TSPAN9: variants seen among roughly 807,000 people sequenced by gnomAD.
The protein encoded by TSPAN9 is tetraspanin-9.
In TSPAN9, 16 loss-of-function variants were observed where a neutral mutation model predicts 31.0. That is an observed-to-expected ratio of 0.52 (90% CI 0.35 to 0.78). TSPAN9 has a LOEUF of 0.78. TSPAN9 is among the 30% of genes least tolerant of loss of function. The pLI is 0.01. For synonymous variants in TSPAN9, 145 were observed against 121.6 expected, an observed-to-expected ratio of 1.19 and a Z score of -1.27; for missense variants, 272 against 312.5, an observed-to-expected ratio of 0.87 and a Z score of 0.98.
chr12:3,261,526 C>T (rs891897121), intron 3 of TSPAN9, among the ~76,000 whole-genome samples: 3 of 152,138 alleles, frequency 2.0e-5, no homozygotes, highest in African/African-American at 7.2e-5. Context: ...AGATGGAGAA[C>T]TGCGTCTCCA....
intron 3 of TSPAN9, among the ~76,000 whole-genome samples, chr12:3,244,996 A>T (rs890793597): frequency 6.6e-6 from 1 of 152,130 alleles, no homozygotes; most frequent in South Asian, 2.1e-4. Context: ...CTCTGTGGGC[A>T]TCCCGGTCTT....
chr12:3,099,840 CTT>C (rs899603509), intron 2 of TSPAN9, among the ~76,000 whole-genome samples: 33 of 123,632 alleles, frequency 2.7e-4, no homozygotes, highest in East Asian at 7.1e-4. Context: ...TCTGTCCACT[CTT>C]TTTTTTTTTT....
At chr12:3,259,157 G>A (rs767243383) in intron 3 of TSPAN9, among the ~76,000 whole-genome samples, 17 of 152,210 alleles carry the variant, frequency 1.1e-4, no homozygotes, top group Non-Finnish European at 2.1e-4. Context: ...GAGAAGTTAA[G>A]TCACTTTCCT....
At chr12:3,149,247 A>G (rs1478151754) in intron 2 of TSPAN9, among the ~76,000 whole-genome samples, 1 of 152,086 alleles carries the variant, frequency 6.6e-6, no homozygotes, top group African/African-American at 2.4e-5. Context: ...TACTGGTTTG[A>G]TGATGGTCAG....
chr12:3,272,122 C>T (rs749011479), intron 3 of TSPAN9, among the ~76,000 whole-genome samples: 16 of 152,128 alleles, frequency 1.1e-4, no homozygotes, highest in Non-Finnish European at 1.5e-4. Flanking sequence ...ATGAGGGTGT[C>T]AGGGGGGCCA....
intron 3 of TSPAN9, among the ~76,000 whole-genome samples, chr12:3,243,612 C>T (rs528874574): frequency 1.4e-4 from 22 of 152,266 alleles, no homozygotes; most frequent in South Asian, 2.1e-4. Flanking sequence ...TCGTGGGGAC[C>T]GATGAGGTGG....
At chr12:3,109,222 C>T (rs1443177701) in intron 2 of TSPAN9, among the ~76,000 whole-genome samples, 10 of 150,382 alleles carry the variant, frequency 6.6e-5, no homozygotes, top group Admixed American at 5.3e-4. Flanking sequence ...AGGTGTGAGC[C>T]ACCGCTCCTG....
chr12:3,221,353 T>TA (rs1359783985), intron 3 of TSPAN9, among the ~76,000 whole-genome samples: 2 of 115,752 alleles, frequency 1.7e-5, no homozygotes, highest in South Asian at 3.8e-4. Flanking sequence ...ATTTAAAATA[T>TA]TTTTCTCTTT....
intron 3 of TSPAN9, among the ~76,000 whole-genome samples, chr12:3,225,083 A>G (rs964526293): frequency 2.6e-5 from 4 of 152,340 alleles, no homozygotes; most frequent in African/African-American, 9.6e-5. Context: ...TCTCTTTGAC[A>G]GTGGAACAGA....
At chr12:3,239,431 C>T (rs1441577389) in intron 3 of TSPAN9, among the ~76,000 whole-genome samples, 2 of 152,216 alleles carry the variant, frequency 1.3e-5, no homozygotes, top group African/African-American at 2.4e-5. Flanking sequence ...TTGGTCTTAA[C>T]TTTTACCCTC....
chr12:3,145,791 T>A (rs7957389), intron 2 of TSPAN9, among the ~76,000 whole-genome samples: 36,424 of 152,220 alleles, frequency 0.24, 4,699 homozygotes, highest in Non-Finnish European at 0.31. Flanking sequence ...TCAGACCATT[T>A]GGGGTGTCAG....
intron 5 of TSPAN9, among the ~76,000 whole-genome samples, chr12:3,279,566 A>G (rs1227357138): frequency 6.6e-6 from 1 of 152,196 alleles, no homozygotes; most frequent in African/African-American, 2.4e-5. Context: ...TCCTGGGTTC[A>G]GGAGGATGGT....
chr12:3,116,937 G>T (rs1481529213), intron 2 of TSPAN9, among the ~76,000 whole-genome samples: 2 of 152,158 alleles, frequency 1.3e-5, no homozygotes, highest in East Asian at 3.9e-4. Context: ...CTCATCCTCA[G>T]CCCGAGGTGG....
At chr12:3,236,468 A>C (rs1044524554) in intron 3 of TSPAN9, among the ~76,000 whole-genome samples, 2 of 152,196 alleles carry the variant, frequency 1.3e-5, no homozygotes, top group Non-Finnish European at 2.9e-5. Context: ...GGTAGGTTGC[A>C]GAGCCTGTTC....
chr12:3,256,711 G>A (rs569288617), intron 3 of TSPAN9, among the ~76,000 whole-genome samples: 408 of 152,220 alleles, frequency 2.7e-3, no homozygotes, highest in African/African-American at 9.3e-3. Context: ...ACTCTTTCGG[G>A]GGACTACAGA....
intron 3 of TSPAN9, among the ~76,000 whole-genome samples, chr12:3,204,769 A>C (rs1054772116): frequency 3.3e-5 from 5 of 152,160 alleles, no homozygotes; most frequent in African/African-American, 1.2e-4. Flanking sequence ...TTGAATTGGG[A>C]CAAAAGTTTC....
chr12:3,219,669 A>G lies in TSPAN9; in HGVS notation c.63+18413A>G, dbSNP rs76274059. Among the ~76,000 whole-genome samples the G allele has an allele frequency of 4.5e-3, 692 of 152,094 alleles. 3 individuals carry two copies. Among genetic ancestry groups the G allele is most frequent in the African/African-American group, 0.016 (655 of 41,490 alleles). ...GTGGAAGGGATGACTTAAAAAGGGA[A>G]TGATAGGGAGGGGAACATCACACAC... On this transcript the variant is annotated intron_variant, in intron 3 of 8. Coordinates refer to ENST00000011898, the MANE Select transcript of TSPAN9 (RefSeq NM_006675.5).
At chr12:3,083,546 T>A (rs1374807120) in intron 1 of TSPAN9, 107 bp from the exon 2 acceptor site, 2 of 152,250 alleles carry the variant, frequency 1.3e-5, no homozygotes, top group African/African-American at 4.8e-5. Flanking sequence ...GAGTGAGCAG[T>A]TTCTTGGTAG....
intron 2 of TSPAN9, among the ~76,000 whole-genome samples, chr12:3,142,128 G>A (rs1175843487): frequency 2.0e-5 from 3 of 152,190 alleles, no homozygotes; most frequent in African/African-American, 7.2e-5. Context: ...AAGCTGCCCA[G>A]TGTCACACAG....
Sources: gnomAD v4.1 joint callset for allele counts (sites outside exome capture counted in the v4.1 genomes callset) on GRCh38, gnomAD v4.1.1 for gene constraint, MANE v1.5 for transcripts, NCBI Gene and HGNC (gene_info 2026-07-23, HGNC 2026-07-21) for gene names.